SFXN2: variants seen among roughly 807,000 people sequenced by gnomAD.
The protein encoded by SFXN2 is sideroflexin-2.
SFXN2 carries 37 observed loss-of-function variants against 41.9 expected under a neutral mutation model. That is an observed-to-expected ratio of 0.88 (90% confidence interval 0.68 to 1.16). The LOEUF is 1.16. SFXN2 is among the 50% of genes most tolerant of loss of function. The pLI, the probability that SFXN2 is intolerant of heterozygous loss-of-function variation, is 0.00. For synonymous variants in SFXN2, 150 were observed against 156.7 expected, an observed-to-expected ratio of 0.96 and a Z score of 0.32; for missense variants, 386 against 425.2, an observed-to-expected ratio of 0.91 and a Z score of 0.81.
chr10:102,728,620 C>A, intron 4 of SFXN2, 91 bp downstream of exon 4: 2 of 1,099,532 alleles, frequency 1.8e-6, no homozygotes, highest in Admixed American at 1.8e-5. Flanking sequence ...CTGGGTAGCA[C>A]CTGCACTGAG....
chr10:102,726,626 G>T lies in SFXN2; in HGVS notation c.-11G>T. The T allele has an allele frequency of 1.9e-6, 3 of 1,614,076 alleles. No individual in the cohort carries two copies. The highest frequency in any genetic ancestry group is 2.5e-6 in the Non-Finnish European group (3 of 1,179,962). On this transcript the variant is annotated 5_prime_UTR_variant, in exon 2 of 12. An upstream start codon of the reference 5' UTR is lost. Coordinates refer to ENST00000369893, the MANE Select transcript of SFXN2 (RefSeq NM_178858.6). ...TTGTCCCTTAGGTCCACAGTTTTATGTGTGAGCAAGATGGAGGCTGACCTG... is the reference window on the plus strand; with the variant it reads ...TTGTCCCTTAGGTCCACAGTTTTATTTGTGAGCAAGATGGAGGCTGACCTG...
intron 1 of SFXN2, among the ~76,000 whole-genome samples, chr10:102,717,376 C>T (rs111659752): frequency 0.03 from 4,606 of 152,256 alleles, 256 homozygotes; most frequent in African/African-American, 0.1. Context: ...GATCCGTCCG[C>T]CTCGGCCTCC....
rs778834631 is a variant in SFXN2 at position 102,726,677 on chromosome 10, G to T, written c.41G>T (p.Arg14Leu). The T allele has an allele frequency of 1.2e-6, 2 of 1,614,102 alleles. No homozygotes were observed. Among genetic ancestry groups the T allele is most frequent in the Non-Finnish European group, 1.7e-6 (2 of 1,180,038 alleles). The change falls in exon 2 of 12, where the codon CGT becomes CTT. Residue 14 changes from arginine (R) to leucine (L), a missense_variant. Transcript: ENST00000369893. ...DLSGFNIDAP[R>L]WDQRTFLGRV... ...TCTGGCTTTAACATCGATGCCCCCC[G>T]TTGGGACCAGCGCACCTTCCTGGGG...
At chr10:102,717,810 T>G (rs1438011269) in intron 1 of SFXN2, 3 of 985,080 alleles carry the variant, frequency 3.0e-6, no homozygotes, top group Non-Finnish European at 3.6e-6. Flanking sequence ...CGAGGGCATG[T>G]GAAACATGTA....
intron 6 of SFXN2, among the ~76,000 whole-genome samples, chr10:102,731,515 C>T (rs761781090): frequency 2.0e-5 from 3 of 152,074 alleles, no homozygotes; most frequent in Non-Finnish European, 4.4e-5. Context: ...CCAGACAGTC[C>T]GGGCCCAGGG....
intron 1 of SFXN2, among the ~76,000 whole-genome samples, chr10:102,717,114 TTC>T (rs1279225945): frequency 6.5e-4 from 95 of 146,942 alleles, no homozygotes; most frequent in African/African-American, 2.2e-3. Context: ...GGCTATGACA[TTC>T]TCTCTCTCTT....
chr10:102,737,634 A>C (rs1429874488), intron 11 of SFXN2, 29 bp from the exon 12 acceptor site: 1 of 1,464,646 alleles, frequency 6.8e-7, no homozygotes, highest in Admixed American at 1.7e-5. Flanking sequence ...TCCTGGTGGC[A>C]TGCTCATAAT....
At chr10:102,724,213 T>C (rs370633670) in intron 1 of SFXN2, among the ~76,000 whole-genome samples, 173 of 152,358 alleles carry the variant, frequency 1.1e-3, no homozygotes, top group African/African-American at 4.0e-3. Context: ...TAGTATTCCA[T>C]GGTGTACATA....
Position 102,727,048 on chromosome 10 carries a change from G to T in SFXN2, c.223G>T (p.Asp75Tyr). ...GCTGCTGTATGCCAAGAAGCTGTAT[G>T]ACTCGGCCTTCCACCCCGACACTGG... The part of the protein sequence containing the change: ...EQLLYAKKLY[D>Y]SAFHPDTGEK... The change falls in exon 3 of 12, where the codon GAC (aspartate) becomes TAC (tyrosine). Residue 75 changes from aspartate to tyrosine, a missense_variant. Physicochemically the swap from Asp to Tyr is radical, Grantham distance 160. Transcript: ENST00000369893. The T allele has an allele frequency of 6.2e-7, 1 of 1,609,940 alleles. No individual in the cohort carries two copies. Among genetic ancestry groups the T allele is most frequent in the South Asian group, 1.1e-5 (1 of 90,978 alleles).
chr10:102,720,291 CAAAA>C (rs56006729), intron 1 of SFXN2, among the ~76,000 whole-genome samples: 5 of 48,782 alleles, frequency 1.0e-4, no homozygotes, highest in Non-Finnish European at 1.3e-4. Flanking sequence ...GACTCCCTCT[CAAAA>C]AAAAAAAAAA....
At chr10:102,735,150 C>A (rs796856432) in intron 10 of SFXN2, among the ~76,000 whole-genome samples, 30 of 150,842 alleles carry the variant, frequency 2.0e-4, no homozygotes, top group African/African-American at 6.3e-4. Flanking sequence ...CAAGTTGCTC[C>A]TCTCCCTCCT....
intron 9 of SFXN2, 44 bp downstream of exon 9, chr10:102,732,952 C>T (rs2064724938): frequency 6.2e-7 from 1 of 1,600,042 alleles, no homozygotes; most frequent in African/African-American, 1.3e-5. Flanking sequence ...CAGAGTGCGT[C>T]CAGCCACATC....
chr10:102,727,754 TGAG>T (rs529714166), intron 3 of SFXN2: 46 of 153,396 alleles, frequency 3.0e-4, no homozygotes, highest in Non-Finnish European at 4.8e-4. Context: ...CCAGTTTTGT[TGAG>T]GAGACCAAGA....
At chr10:102,724,133 A>G (rs1442111432) in intron 1 of SFXN2, among the ~76,000 whole-genome samples, 1 of 152,204 alleles carries the variant, frequency 6.6e-6, no homozygotes, top group East Asian at 1.9e-4. Context: ...TTAGTTTGCT[A>G]AGGATAATGG....
In SFXN2 at chr10:102,742,513, T is replaced by C. The variant is rs1842801423; in HGVS notation, c.*4751T>C. On this transcript the variant is annotated 3_prime_UTR_variant, in exon 12 of 12. Transcript: ENST00000369893. Reference sequence around the variant, plus strand: ...CTCTGTTGCCCAGGCTGGAGTACAGTGGCACAATCAAGGCTCATTGCAGCT... The same window carrying C: ...CTCTGTTGCCCAGGCTGGAGTACAGCGGCACAATCAAGGCTCATTGCAGCT... 1 of 149,546 alleles carries C rather than the reference T, an allele frequency of 6.7e-6. No homozygotes were observed. The highest frequency in any genetic ancestry group is 2.5e-5 in the African/African-American group (1 of 40,114). The allele number at this position is 149,546 out of a possible 1,614,324, so 9.3% of individuals were successfully genotyped here.
intron 1 of SFXN2, among the ~76,000 whole-genome samples, chr10:102,724,576 C>T (rs1425817369): frequency 6.6e-6 from 1 of 152,116 alleles, no homozygotes; most frequent in Non-Finnish European, 1.5e-5. Context: ...GTGGTGCACG[C>T]CTGTAGTCTC....
intron 1 of SFXN2, among the ~76,000 whole-genome samples, chr10:102,723,413 G>A (rs745683579): frequency 1.5e-4 from 22 of 151,368 alleles, no homozygotes; most frequent in South Asian, 2.1e-4. Context: ...CACTGCGCCC[G>A]GCTAATTTTT....
intron 6 of SFXN2, 38 bp from the exon 7 acceptor site, chr10:102,731,685 C>A: frequency 6.3e-7 from 1 of 1,590,796 alleles, no homozygotes; most frequent in Non-Finnish European, 8.6e-7. Context: ...GCTTCCATCA[C>A]CCCTTTCCCA....
At position 102,729,312 on chromosome 10, in the gene SFXN2, C is replaced by A; in HGVS notation, c.432-7C>A. The A allele has an allele frequency of 1.2e-6, 2 of 1,613,924 alleles. No homozygotes were observed. Among genetic ancestry groups the A allele is most frequent in the Non-Finnish European group, 1.7e-6 (2 of 1,179,912 alleles). ...CCCCACTCCCAAGCATCTCTCTCCTCCCCCAGGCAGATGGCCCTTTCCTAC... is the reference window on the plus strand; with the variant it reads ...CCCCACTCCCAAGCATCTCTCTCCTACCCCAGGCAGATGGCCCTTTCCTAC... On this transcript the variant is annotated splice_polypyrimidine_tract_variant and splice_region_variant and intron_variant, in intron 4 of 11. Coordinates refer to ENST00000369893, the MANE Select transcript of SFXN2 (RefSeq NM_178858.6).
Sources: allele counts gnomAD v4.1 joint callset (sites outside exome capture counted in the v4.1 genomes callset), GRCh38; gene constraint gnomAD v4.1.1; transcripts MANE v1.5; gene names NCBI Gene and HGNC (gene_info 2026-07-23, HGNC 2026-07-21).